LRCH1: variants seen among roughly 807,000 people sequenced by gnomAD.
LRCH1 encodes leucine-rich repeat and calponin homology domain-containing protein 1.
Under a neutral mutation model 94.9 loss-of-function variants are expected in LRCH1, and 23 were observed. That is an observed-to-expected ratio of 0.24 (90% CI 0.17 to 0.34). The LOEUF (loss-of-function observed/expected upper bound fraction) is 0.34. Ranked by LOEUF, LRCH1 falls within the 10% of genes least tolerant of loss-of-function variation. The pLI, the probability that LRCH1 is intolerant of heterozygous loss-of-function variation, is 1.00. For synonymous variants in LRCH1, 364 were observed against 354.9 expected, an observed-to-expected ratio of 1.03 and a Z score of -0.29; for missense variants, 790 against 945.9, an observed-to-expected ratio of 0.84 and a Z score of 2.16.
chr13:46,689,909 A>G (rs1394667929), intron 7 of LRCH1, among the ~76,000 whole-genome samples: 1 of 152,138 alleles, frequency 6.6e-6, no homozygotes, highest in Admixed American at 6.5e-5. Context: ...GGCCTCAGGG[A>G]TCTAGAAAGG....
chr13:46,664,130 C>G (rs2051484297), intron 2 of LRCH1, among the ~76,000 whole-genome samples: 1 of 152,152 alleles, frequency 6.6e-6, no homozygotes, highest in African/African-American at 2.4e-5. Flanking sequence ...CCTGGCATGT[C>G]TGAGCTATCT....
chr13:46,621,348 A>G (rs914337598), intron 1 of LRCH1, among the ~76,000 whole-genome samples: 2 of 152,174 alleles, frequency 1.3e-5, no homozygotes, highest in Non-Finnish European at 2.9e-5. Flanking sequence ...AATGCCATGC[A>G]CATTTGTCAA....
chr13:46,695,676 AT>A (rs1423723950), intron 9 of LRCH1, among the ~76,000 whole-genome samples: 1 of 152,162 alleles, frequency 6.6e-6, no homozygotes, highest in Non-Finnish European at 1.5e-5. Context: ...AATCATAAAG[AT>A]TATTGTTTTT....
chr13:46,681,965 T>TGTGTGTGTGTGC (rs1188518112), intron 4 of LRCH1, 119 bp downstream of exon 4: 326 of 639,118 alleles, frequency 5.1e-4, no homozygotes, highest in Non-Finnish European at 6.9e-4. Context: ...TGTGTGTGTG[T>TGTGTGTGTGTGC]GCCTACTACT....
At chr13:46,662,293 A>T (rs1456771338) in intron 2 of LRCH1, among the ~76,000 whole-genome samples, 2 of 152,152 alleles carry the variant, frequency 1.3e-5, no homozygotes. Flanking sequence ...TCATTTAGTG[A>T]TAATTTCCTG....
intron 3 of LRCH1, among the ~76,000 whole-genome samples, chr13:46,676,352 T>C (rs1424553602): frequency 6.6e-6 from 1 of 152,198 alleles, no homozygotes; most frequent in African/African-American, 2.4e-5. Context: ...GTTAGTTACA[T>C]ACCTGTGTTT....
intron 1 of LRCH1, among the ~76,000 whole-genome samples, chr13:46,642,775 A>G (rs75286038): frequency 0.013 from 1,994 of 152,308 alleles, 39 homozygotes; most frequent in African/African-American, 0.045. Context: ...TGGTTTAGGT[A>G]GAGAAAGCAG....
intron 1 of LRCH1, among the ~76,000 whole-genome samples, chr13:46,597,739 A>G (rs1469930987): frequency 6.6e-6 from 1 of 152,174 alleles, no homozygotes. Context: ...TTCTTCAGGC[A>G]TGGGCTTTAG....
intron 19 of LRCH1, among the ~76,000 whole-genome samples, chr13:46,737,771 C>A (rs933768224): frequency 7.2e-5 from 11 of 152,178 alleles, no homozygotes; most frequent in Non-Finnish European, 1.5e-4. Context: ...GACCTCTAAC[C>A]TCTATGTAGC....
At chr13:46,606,162 G>A (rs1425244011) in intron 1 of LRCH1, among the ~76,000 whole-genome samples, 1 of 152,066 alleles carries the variant, frequency 6.6e-6, no homozygotes, top group Non-Finnish European at 1.5e-5. Context: ...GTGTGTGTGT[G>A]TGTGTGTGTG....
At chr13:46,562,211 T>A (rs2050136693) in intron 1 of LRCH1, among the ~76,000 whole-genome samples, 1 of 152,242 alleles carries the variant, frequency 6.6e-6, no homozygotes, top group Non-Finnish European at 1.5e-5. Context: ...AGCTGATTTT[T>A]CTCACATAGC....
At chr13:46,713,152 A>G (rs1357624636) in intron 15 of LRCH1, among the ~76,000 whole-genome samples, 1 of 152,268 alleles carries the variant, frequency 6.6e-6, no homozygotes, top group Non-Finnish European at 1.5e-5. Context: ...TCACAAAAGT[A>G]AATTATAGCA....
chr13:46,571,959 C>T (rs1014644343), intron 1 of LRCH1, among the ~76,000 whole-genome samples: 8 of 151,788 alleles, frequency 5.3e-5, no homozygotes, highest in Non-Finnish European at 1.0e-4. Context: ...TTTTTTTGAA[C>T]GGCGATGCCC....
chr13:46,664,061 A>G (rs571040548), intron 2 of LRCH1, among the ~76,000 whole-genome samples: 1 of 152,318 alleles, frequency 6.6e-6, no homozygotes, highest in Admixed American at 6.5e-5. Context: ...GGTTATCCAG[A>G]TTGGAATTAG....
intron 2 of LRCH1, among the ~76,000 whole-genome samples, chr13:46,660,444 G>C (rs905269937): frequency 5.3e-5 from 8 of 152,214 alleles, no homozygotes; most frequent in East Asian, 3.9e-4. Context: ...TCAATGTCCA[G>C]GTAGGATGTA....
intron 1 of LRCH1, among the ~76,000 whole-genome samples, chr13:46,629,685 A>G (rs1030141491): frequency 6.6e-6 from 1 of 152,204 alleles, no homozygotes; most frequent in African/African-American, 2.4e-5. Flanking sequence ...ATGGGGGAGA[A>G]TAGGAGCAGG....
At chr13:46,562,052 C>T (rs1166154993) in intron 1 of LRCH1, among the ~76,000 whole-genome samples, 1 of 152,170 alleles carries the variant, frequency 6.6e-6, no homozygotes, top group Admixed American at 6.5e-5. Context: ...ATGCCCAGGA[C>T]AGAAAATGCT....
At chr13:46,649,850 T>C (rs1293750975) in intron 1 of LRCH1, among the ~76,000 whole-genome samples, 1 of 151,830 alleles carries the variant, frequency 6.6e-6, no homozygotes, top group East Asian at 1.9e-4. Flanking sequence ...AAAAATTGAA[T>C]TAATAATTTT....
In LRCH1 at chr13:46,741,801, ATAGTGC is replaced by A; in HGVS notation, c.2247_2252del (p.Ile749_Leu751delinsMet). Reference sequence around the variant, plus strand: ...CTTCTGTCTTGTCCATATTCTCTTTATAGTGCTGGTCTATATCACTTACCACTGGAA... The same window carrying A: ...CTTCTGTCTTGTCCATATTCTCTTTATGGTCTATATCACTTACCACTGGAA... On this transcript the variant is annotated inframe_deletion, in exon 20 of 20. Transcript: ENST00000389797. 1 of 1,614,126 alleles carries A rather than the reference ATAGTGC, an allele frequency of 6.2e-7. No individual in the cohort carries two copies. Among genetic ancestry groups the A allele is most frequent in the Non-Finnish European group, 8.5e-7 (1 of 1,180,038 alleles).
Sources: gnomAD v4.1 joint callset for allele counts (sites outside exome capture counted in the v4.1 genomes callset) on GRCh38, gnomAD v4.1.1 for gene constraint, MANE v1.5 for transcripts, NCBI Gene and HGNC (gene_info 2026-07-23, HGNC 2026-07-21) for gene names.